WWC1: variants seen among roughly 807,000 people sequenced by gnomAD.
The protein encoded by WWC1 is WW and C2 domain containing 1.
A neutral mutation model predicts 138.4 loss-of-function variants in WWC1; 55 were observed. That is an observed-to-expected ratio of 0.40 (90% confidence interval 0.32 to 0.50). WWC1 has a LOEUF of 0.50. Ranked by LOEUF, WWC1 falls within the 20% of genes least tolerant of loss-of-function variation. WWC1 has a pLI of 0.72. For synonymous variants in WWC1, 524 were observed against 564.9 expected (o/e 0.93, Z 1.03); for missense variants, 1,226 against 1,420.4 (o/e 0.86, Z 2.20).
At chr5:168,424,796 C>A (rs774441081) in intron 11 of WWC1, among the ~76,000 whole-genome samples, 1 of 152,130 alleles carries the variant, frequency 6.6e-6, no homozygotes, top group Admixed American at 6.6e-5. Context: ...ATCCTAATTG[C>A]ACTGGGGACC....
chr5:168,435,261 T>A (rs1782262715), intron 15 of WWC1, among the ~76,000 whole-genome samples: 1 of 152,082 alleles, frequency 6.6e-6, no homozygotes, highest in African/African-American at 2.4e-5. Context: ...CCTTCTGCAC[T>A]CCTGTCTGAG....
intron 1 of WWC1, among the ~76,000 whole-genome samples, chr5:168,311,438 C>G (rs1771072317): frequency 6.6e-6 from 1 of 152,218 alleles, no homozygotes. Context: ...CCCTCTATAC[C>G]TACCCACCTA....
intron 15 of WWC1, among the ~76,000 whole-genome samples, chr5:168,441,137 G>T (rs1290706309): frequency 6.6e-6 from 1 of 152,164 alleles, no homozygotes; most frequent in Admixed American, 6.5e-5. Flanking sequence ...GGACCTTGAA[G>T]GCATTGTTAA....
At chr5:168,464,005 G>A (rs1757035469) in intron 20 of WWC1, among the ~76,000 whole-genome samples, 1 of 152,164 alleles carries the variant, frequency 6.6e-6, no homozygotes, top group African/African-American at 2.4e-5. Context: ...TAATGGCTGG[G>A]CTTTGATAAC....
intron 5 of WWC1, among the ~76,000 whole-genome samples, chr5:168,400,223 G>T (rs1279911402): frequency 6.6e-6 from 1 of 152,000 alleles, no homozygotes; most frequent in Non-Finnish European, 1.5e-5. Context: ...GTGCAGGTTT[G>T]TTACACAGGT....
intron 3 of WWC1, among the ~76,000 whole-genome samples, 165 bp from the exon 4 acceptor site, chr5:168,397,559 G>A (rs998699519): frequency 1.1e-4 from 17 of 152,138 alleles, no homozygotes; most frequent in Non-Finnish European, 2.2e-4. Context: ...CGTAGTCCCC[G>A]TTTGCGCGTG....
intron 10 of WWC1, among the ~76,000 whole-genome samples, chr5:168,422,615 CA>C (rs1252301254): frequency 6.6e-6 from 1 of 150,722 alleles, no homozygotes; most frequent in Non-Finnish European, 1.5e-5. Flanking sequence ...ACCTTGTCTC[CA>C]AAAAGAAAAA....
chr5:168,434,902 A>G (rs574718523), intron 15 of WWC1, among the ~76,000 whole-genome samples: 3 of 152,134 alleles, frequency 2.0e-5, no homozygotes, highest in Admixed American at 6.5e-5. Flanking sequence ...CACCATTACA[A>G]CCGTTCCCTT....
chr5:168,445,967 A>C (rs546960044), intron 17 of WWC1, among the ~76,000 whole-genome samples: 2 of 152,262 alleles, frequency 1.3e-5, no homozygotes, highest in East Asian at 3.9e-4. Context: ...AATGTCCCAC[A>C]CAGCAACTTT....
chr5:168,331,897 G>C (rs542993803), intron 1 of WWC1, among the ~76,000 whole-genome samples: 1 of 152,300 alleles, frequency 6.6e-6, no homozygotes, highest in Non-Finnish European at 1.5e-5. Context: ...TGTAATCCCA[G>C]CACTTTGGGA....
chr5:168,460,070 C>T (rs1203414980), intron 19 of WWC1, among the ~76,000 whole-genome samples: 1 of 152,140 alleles, frequency 6.6e-6, no homozygotes, highest in East Asian at 1.9e-4. Flanking sequence ...GGGAGAGTTA[C>T]GATCTGCCCC....
chr5:168,361,282 A>G (rs1004534460), intron 1 of WWC1, among the ~76,000 whole-genome samples: 5 of 152,074 alleles, frequency 3.3e-5, no homozygotes, highest in South Asian at 2.1e-4. Flanking sequence ...ATAATTCAGG[A>G]ATGAGGATGA....
chr5:168,337,893 G>A (rs1451201713), intron 1 of WWC1, among the ~76,000 whole-genome samples: 1 of 152,186 alleles, frequency 6.6e-6, no homozygotes, highest in African/African-American at 2.4e-5. Flanking sequence ...CCTGGCATGG[G>A]TCACAGTGTG....
chr5:168,465,588 TTC>T (rs372503955), intron 21 of WWC1, among the ~76,000 whole-genome samples: 6 of 124,882 alleles, frequency 4.8e-5, no homozygotes, highest in African/African-American at 1.6e-4. Flanking sequence ...GAGATGGGTT[TTC>T]TCTCTGTCGC....
intron 21 of WWC1, among the ~76,000 whole-genome samples, chr5:168,465,367 C>T (rs1418591492): frequency 6.6e-6 from 1 of 151,714 alleles, no homozygotes; most frequent in East Asian, 1.9e-4. Context: ...CAGGGCAGCC[C>T]TTGCCAAAGG....
chr5:168,435,001 GA>G (rs201145313), intron 15 of WWC1, among the ~76,000 whole-genome samples: 1 of 150,976 alleles, frequency 6.6e-6, no homozygotes, highest in East Asian at 1.9e-4. Flanking sequence ...TGAGCAACTG[GA>G]AAAAAAAATG....
rs540766171 is a variant in WWC1 at position 168,452,604 on chromosome 5, A to G, written c.2526-1364A>G. Among the ~76,000 whole-genome samples, 4 of 152,332 alleles carry G rather than the reference A, an allele frequency of 2.6e-5. No individual in the cohort carries two copies. The East Asian group carries it at 7.7e-4, about 29-fold the overall frequency. On this transcript the variant is annotated intron_variant, in intron 17 of 22. Transcript: ENST00000265293. ...TTTCTGTTGTTTAACCCACCTAGTAAGTGGTGTTTTAGTTTTGCAACCCTA... is the reference window on the plus strand; with the variant it reads ...TTTCTGTTGTTTAACCCACCTAGTAGGTGGTGTTTTAGTTTTGCAACCCTA...
At chr5:168,450,220 A>C (rs919833001) in intron 17 of WWC1, among the ~76,000 whole-genome samples, 1 of 152,234 alleles carries the variant, frequency 6.6e-6, no homozygotes, top group Non-Finnish European at 1.5e-5. Flanking sequence ...TAACAAATGC[A>C]GCCTATTTGT....
At chr5:168,401,862 G>A (rs1779337823) in intron 5 of WWC1, among the ~76,000 whole-genome samples, 1 of 152,130 alleles carries the variant, frequency 6.6e-6, no homozygotes, top group African/African-American at 2.4e-5. Flanking sequence ...AATAGTATAA[G>A]CTTAGAAAAT....
Sources: gnomAD v4.1 joint callset for allele counts (sites outside exome capture counted in the v4.1 genomes callset) on GRCh38, gnomAD v4.1.1 for gene constraint, MANE v1.5 for transcripts, NCBI Gene and HGNC (gene_info 2026-07-23, HGNC 2026-07-21) for gene names.